AGAP1: variants seen among roughly 807,000 people sequenced by gnomAD.
AGAP1 encodes ArfGAP with GTPase domain, ankyrin repeat and PH domain 1.
Under a neutral mutation model 105.3 loss-of-function variants are expected in AGAP1, and 29 were observed. The ratio of observed to expected loss-of-function variants is 0.28; its 90% CI spans 0.21 to 0.38. AGAP1 has a LOEUF of 0.38. Ranked by LOEUF, AGAP1 falls within the 10% of genes least tolerant of loss-of-function variation. The pLI is 1.00. For missense variants in AGAP1, 998 were observed against 1,165.1 expected (o/e 0.86, Z 2.09); for synonymous variants, 509 against 485.9 (o/e 1.05, Z -0.63).
intron 1 of AGAP1, among the ~76,000 whole-genome samples, chr2:235,657,120 G>C (rs890976996): frequency 6.6e-6 from 1 of 152,194 alleles, no homozygotes; most frequent in Non-Finnish European, 1.5e-5. Flanking sequence ...GGGACTCTCT[G>C]CTTCTTACAG....
In AGAP1 at chr2:235,720,371, G is replaced by C. The variant is rs1219146182; in HGVS notation, c.310+2727G>C. Among the ~76,000 whole-genome samples, 5 of 152,176 alleles carry C rather than the reference G, an allele frequency of 3.3e-5. No individual in the cohort carries two copies. Among genetic ancestry groups the C allele is most frequent in the Non-Finnish European group, 5.9e-5 (4 of 68,030 alleles). On this transcript the variant is annotated intron_variant, in intron 3 of 17. Transcript: ENST00000304032. This position sits in a 1 kb window ranked among gnomAD's most constrained non-coding sequence, Gnocchi z 5.0. ...GGTGTGTGGAGACTATCAAAGGGAT[G>C]TGTTGTCCTCGGGGAGTGCTGGAGG...
intron 9 of AGAP1, among the ~76,000 whole-genome samples, chr2:235,878,137 G>A (rs551631956): frequency 7.2e-5 from 11 of 152,326 alleles, no homozygotes; most frequent in Non-Finnish European, 1.3e-4. Flanking sequence ...TATGGGTGCT[G>A]CGGCTGCTGG....
intron 3 of AGAP1, among the ~76,000 whole-genome samples, chr2:235,738,133 G>A (rs1349026509): frequency 1.3e-5 from 2 of 152,096 alleles, no homozygotes; most frequent in African/African-American, 2.4e-5. Context: ...GAGTGGGCAC[G>A]GGCAGGCAGG....
chr2:235,774,101 A>C (rs1955672317), intron 6 of AGAP1: 1 of 413,484 alleles, frequency 2.4e-6, no homozygotes, highest in African/African-American at 2.1e-5. Context: ...CCTTGCAATT[A>C]AATATCCAGA....
chr2:235,573,036 C>CT (rs1553568778), intron 1 of AGAP1, among the ~76,000 whole-genome samples: 280 of 20,672 alleles, frequency 0.014, 23 homozygotes, highest in African/African-American at 0.044. Flanking sequence ...TCTTCTTCTT[C>CT]TTCTTCTTCT....
At chr2:236,022,807 G>A (rs1006641474) in intron 13 of AGAP1, among the ~76,000 whole-genome samples, 1 of 152,034 alleles carries the variant, frequency 6.6e-6, no homozygotes, top group African/African-American at 2.4e-5. Context: ...GAAACTGTTA[G>A]GATTACAGGC....
rs923655413 is a variant in AGAP1, at chr2:235,614,333, G to T, written c.164-94846G>T. ...GTGGGATCCGGAAAGGGCTGCTGGC[G>T]AGTGGGAGTTTTCTAGGGAGCCGCT... On this transcript the variant is annotated intron_variant, in intron 1 of 17. Coordinates refer to ENST00000304032, the MANE Select transcript of AGAP1 (RefSeq NM_001037131.3). This position sits in a 1 kb window ranked among gnomAD's most constrained non-coding sequence, Gnocchi z 4.7. 2.0e-5 allele frequency among the ~76,000 whole-genome samples: 3 copies of T among 152,108 alleles called. No individual in the cohort carries two copies. The highest frequency in any genetic ancestry group is 4.4e-5 in the Non-Finnish European group (3 of 68,018).
rs1026902539 is a variant in AGAP1, at chr2:235,981,906, C to A, written c.1645+13283C>A. 1.3e-5 allele frequency among the ~76,000 whole-genome samples: 2 copies of A among 152,176 alleles called. No homozygotes were observed. Among genetic ancestry groups the A allele is most frequent in the African/African-American group, 2.4e-5 (1 of 41,450 alleles). On this transcript the variant is annotated intron_variant, in intron 13 of 17. Transcript: ENST00000304032. This position sits in a 1 kb window ranked among gnomAD's most constrained non-coding sequence, Gnocchi z 5.5. ...GGCGCTTGTCTTTTCAGCGGTCTTG[C>A]CTCCGAATCTTGGCTTGTCTAGGAT...
intron 3 of AGAP1, among the ~76,000 whole-genome samples, chr2:235,735,891 C>T (rs1014244451): frequency 9.9e-5 from 15 of 151,940 alleles, no homozygotes; most frequent in South Asian, 2.1e-4. Context: ...AAGATGGGAC[C>T]GCTGTATCCC....
chr2:235,940,454 CCT>C (rs1314598524), intron 12 of AGAP1, among the ~76,000 whole-genome samples: 1 of 152,182 alleles, frequency 6.6e-6, no homozygotes, highest in East Asian at 1.9e-4. Context: ...TGGTCTGACC[CCT>C]GTTTTTTGAC....
rs533378036 is a variant in AGAP1 at position 235,930,612 on chromosome 2, T to A, written c.1325-153T>A. ...TTTTATTCCTCCCGAATAGTTTCTGTCTGGCGCTTCCGTTTGCCATGCAGG... is the reference window on the plus strand; with the variant it reads ...TTTTATTCCTCCCGAATAGTTTCTGACTGGCGCTTCCGTTTGCCATGCAGG... On this transcript the variant is annotated intron_variant, in intron 11 of 17. Coordinates refer to ENST00000304032, the MANE Select transcript of AGAP1 (RefSeq NM_001037131.3). This position sits in a 1 kb window ranked among gnomAD's most constrained non-coding sequence, Gnocchi z 7.9. 6.6e-6 allele frequency among the ~76,000 whole-genome samples: 1 copy of A among 151,756 alleles called. No individual in the cohort carries two copies. The highest frequency in any genetic ancestry group is 2.4e-5 in the African/African-American group (1 of 41,334).
rs139525983 is a variant in AGAP1, at chr2:235,750,143, G to A, written c.539-211G>A. On this transcript the variant is annotated intron_variant, in intron 5 of 17. Coordinates refer to ENST00000304032, the MANE Select transcript of AGAP1 (RefSeq NM_001037131.3). The surrounding 1 kb of genome is among the most constrained non-coding windows in gnomAD (Gnocchi z 5.3). The stretch of plus-strand genomic sequence containing the variant: ...ATTTTAAAATTGCAGTTTCAGAAGC[G>A]CTCCTGTAAAACAAATATCTACGAA... Among the ~76,000 whole-genome samples, 3 of 152,240 alleles carry A rather than the reference G, an allele frequency of 2.0e-5. No individual in the cohort carries two copies. Among genetic ancestry groups the A allele is most frequent in the Admixed American group, 1.3e-4 (2 of 15,298 alleles).
chr2:235,974,925 G>T (rs1446975794), intron 13 of AGAP1, among the ~76,000 whole-genome samples: 1 of 152,220 alleles, frequency 6.6e-6, no homozygotes, highest in African/African-American at 2.4e-5. Context: ...TGATTATGGA[G>T]ATAAGACATG....
rs1946130656 is a variant in AGAP1, at chr2:235,611,693, A to G, written c.164-97486A>G. ...ACCAGTTGTGAGGAACATTGTATAG[A>G]GAAAAAACAACCTTGAGTTTCTGTT... On this transcript the variant is annotated intron_variant, in intron 1 of 17. Transcript: ENST00000304032. The surrounding 1 kb of genome is among the most constrained non-coding windows in gnomAD (Gnocchi z 5.0). 6.6e-6 allele frequency among the ~76,000 whole-genome samples: 1 copy of G among 152,234 alleles called. No homozygotes were observed. Among genetic ancestry groups the G allele is most frequent in the South Asian group, 2.1e-4 (1 of 4,832 alleles).
At chr2:235,784,615 A>T (rs983675967) in intron 6 of AGAP1, among the ~76,000 whole-genome samples, 1 of 147,482 alleles carries the variant, frequency 6.8e-6, no homozygotes, top group African/African-American at 2.5e-5. Context: ...AAAAAAAAAA[A>T]ACCATGAAAA....
At chr2:235,738,084 G>T (rs941734539) in intron 3 of AGAP1, among the ~76,000 whole-genome samples, 6 of 152,108 alleles carry the variant, frequency 3.9e-5, no homozygotes, top group African/African-American at 1.4e-4. Flanking sequence ...GGTCCCTCTG[G>T]CTGTGATATA....
In AGAP1 at chr2:236,120,535, A is replaced by G; in HGVS notation, c.2370+88A>G. On this transcript the variant is annotated intron_variant, in intron 17 of 17. Transcript: ENST00000304032. This position sits in a 1 kb window ranked among gnomAD's most constrained non-coding sequence, Gnocchi z 6.0. ...CTTCCGTGGGCATCTTTCTGGCAGA[A>G]GGCTGTTGTTCTCGATCTGCAAGTG... The G allele has an allele frequency of 6.4e-7, 1 of 1,573,312 alleles. No homozygotes were observed. Among genetic ancestry groups the G allele is most frequent in the South Asian group, 1.2e-5 (1 of 84,316 alleles).
chr2:235,938,149 T>C (rs1482341250), intron 12 of AGAP1, among the ~76,000 whole-genome samples: 2 of 152,174 alleles, frequency 1.3e-5, no homozygotes, highest in Non-Finnish European at 2.9e-5. Flanking sequence ...TGATGTAACA[T>C]TCATGGAACT....
At position 235,665,985 on chromosome 2, in the gene AGAP1, C is replaced by T. The variant is rs199515333; in HGVS notation, c.164-43194C>T. ...GATTTATAGGTAGCTAGAAATGACC[C>T]GGGACAGAGGAGTCGTGAGACGGTG... On this transcript the variant is annotated intron_variant, in intron 1 of 17. Coordinates refer to ENST00000304032, the MANE Select transcript of AGAP1 (RefSeq NM_001037131.3). This position sits in a 1 kb window ranked among gnomAD's most constrained non-coding sequence, Gnocchi z 5.3. Among the ~76,000 whole-genome samples the T allele has an allele frequency of 3.9e-5, 6 of 152,120 alleles. No homozygotes were observed. Among genetic ancestry groups the T allele is most frequent in the Non-Finnish European group, 8.8e-5 (6 of 68,026 alleles).
Sources: allele counts gnomAD v4.1 joint callset (sites outside exome capture counted in the v4.1 genomes callset), GRCh38; gene constraint gnomAD v4.1.1; non-coding constraint Gnocchi (gnomAD v3.1); transcripts MANE v1.5; gene names NCBI Gene and HGNC (gene_info 2026-07-23, HGNC 2026-07-21).